Variants in MYO9A observed in about 807,000 individuals in gnomAD.
MYO9A encodes unconventional myosin-IXa.
Under a neutral mutation model 293.3 loss-of-function variants are expected in MYO9A, and 103 were observed. The ratio of observed to expected loss-of-function variants is 0.35; its 90% CI spans 0.30 to 0.41. MYO9A has a LOEUF of 0.41. Among genes scored for constraint, MYO9A ranks in the 10% least tolerant of loss-of-function variants. The pLI is 1.00. For missense variants in MYO9A, 2,685 were observed against 3,033.0 expected (o/e 0.89, Z 2.69); for synonymous variants, 1,001 against 1,035.7 (o/e 0.97, Z 0.64).
intron 4 of MYO9A, among the ~76,000 whole-genome samples, chr15:72,025,374 T>C (rs1365438924): frequency 1.3e-5 from 2 of 152,306 alleles, no homozygotes; most frequent in East Asian, 3.9e-4. Flanking sequence ...AAAAACTTTT[T>C]TTTTGAGATG....
At chr15:71,853,427 ATT>A (rs1567198569) in intron 35 of MYO9A, among the ~76,000 whole-genome samples, 1 of 152,184 alleles carries the variant, frequency 6.6e-6, no homozygotes, top group Non-Finnish European at 1.5e-5. Flanking sequence ...AGGATGATTG[ATT>A]TTCACTTGTG....
At chr15:71,833,547 C>T (rs557842659) in intron 39 of MYO9A, among the ~76,000 whole-genome samples, 14 of 151,986 alleles carry the variant, frequency 9.2e-5, no homozygotes, top group African/African-American at 2.9e-4. Context: ...AGTATGCACA[C>T]GCAATCAGAA....
At chr15:71,986,736 T>C (rs771750368) in intron 11 of MYO9A, among the ~76,000 whole-genome samples, 6 of 152,208 alleles carry the variant, frequency 3.9e-5, no homozygotes, top group Non-Finnish European at 7.3e-5. Context: ...CTGTACAATG[T>C]GTTTGTGTTT....
chr15:71,873,678 C>T (rs2056593675), intron 32 of MYO9A, among the ~76,000 whole-genome samples: 1 of 152,210 alleles, frequency 6.6e-6, no homozygotes, highest in Admixed American at 6.5e-5. Flanking sequence ...AATTTGACTG[C>T]TAATAAACAT....
intron 32 of MYO9A, among the ~76,000 whole-genome samples, chr15:71,866,220 C>T (rs555493543): frequency 7.9e-5 from 12 of 152,258 alleles, no homozygotes; most frequent in African/African-American, 2.6e-4. Flanking sequence ...CCAGAAACCC[C>T]TGTAGACCAC....
intron 12 of MYO9A, among the ~76,000 whole-genome samples, chr15:71,970,780 C>T (rs2075988664): frequency 6.6e-6 from 1 of 152,162 alleles, no homozygotes; most frequent in South Asian, 2.1e-4. Context: ...TTATAAAGTT[C>T]TTCATTTTAT....
intron 26 of MYO9A, chr15:71,891,205 G>A (rs995155121): frequency 3.9e-5 from 6 of 152,190 alleles, no homozygotes; most frequent in African/African-American, 1.4e-4. Context: ...GAAAGCTGGC[G>A]ACGTGACTAA....
At chr15:71,924,085 T>C (rs1231701386) in intron 18 of MYO9A, among the ~76,000 whole-genome samples, 2 of 152,052 alleles carry the variant, frequency 1.3e-5, no homozygotes, top group East Asian at 1.9e-4. Flanking sequence ...ATTTCCCTTT[T>C]AGTATCTCCT....
Position 72,010,350 on chromosome 15 carries a change from T to C in MYO9A, c.1253A>G (p.Gln418Arg), listed in dbSNP as rs2077137519. Reference protein sequence around the residue: ...MVGFLPKTRRQIFSLLSAILH... With the variant: ...MVGFLPKTRRRIFSLLSAILH... ...ATAAAAATACAACAAGTAAACTCAC[T>C]GTCTTCGTGTCTTGGGAAGAAATCC... is the stretch of plus-strand genomic sequence containing the variant. The change falls in exon 7 of 42, where the codon CAG becomes CGG. Residue 418 changes from glutamine (Q) to arginine (R), a missense_variant and splice_region_variant. Around this residue, in one of 10 missense-constraint regions of MYO9A, gnomAD observed 289 missense variants for 456.8 expected, o/e 0.63. Coordinates refer to ENST00000356056, the MANE Select transcript of MYO9A (RefSeq NM_006901.4). The C allele has an allele frequency of 6.2e-7, 1 of 1,612,120 alleles. No individual in the cohort carries two copies. Among genetic ancestry groups the C allele is most frequent in the Non-Finnish European group, 8.5e-7 (1 of 1,178,352 alleles).
rs61030744 is a variant in MYO9A, at chr15:71,860,969, CAAAAAAAAAAA to C, written c.6092-1184_6092-1174del. Among the ~76,000 whole-genome samples the C allele has an allele frequency of 1.0e-3, 34 of 32,426 alleles. No individual in the cohort carries two copies. The East Asian group carries it at 0.03, about 28-fold the overall frequency. The allele number at this position is 32,426 out of a possible 152,430, so 21.3% of individuals were successfully genotyped here. The stretch of plus-strand genomic sequence containing the variant: ...GCAACAAAGTTAGACTCCATCTCAC[CAAAAAAAAAAA>C]AAAAAAAAAAAAAATCAAACCAGCC... On this transcript the variant is annotated intron_variant, in intron 33 of 41. Coordinates refer to ENST00000356056, the MANE Select transcript of MYO9A (RefSeq NM_006901.4).
intron 1 of MYO9A, among the ~76,000 whole-genome samples, chr15:72,078,898 A>T (rs1190824432): frequency 6.6e-6 from 1 of 152,260 alleles, no homozygotes; most frequent in Non-Finnish European, 1.5e-5. Context: ...GATTCCAACT[A>T]CATGACATTC....
chr15:71,935,563 A>C (rs2058618291), intron 16 of MYO9A, 79 bp from the exon 17 acceptor site: 1 of 1,339,772 alleles, frequency 7.5e-7, no homozygotes, highest in South Asian at 1.6e-5. Context: ...ATAAAACTTT[A>C]AATACTAAAG....
At chr15:72,047,628 G>T (rs941682914) in intron 1 of MYO9A, among the ~76,000 whole-genome samples, 1 of 151,512 alleles carries the variant, frequency 6.6e-6, no homozygotes, top group African/African-American at 2.4e-5. Flanking sequence ...GATAAAACCT[G>T]TTTCTTATCT....
intron 4 of MYO9A, among the ~76,000 whole-genome samples, chr15:72,026,283 AAAAAAAAAAAAAAG>A: frequency 1.4e-5 from 2 of 142,692 alleles, no homozygotes; most frequent in South Asian, 2.3e-4. Flanking sequence ...AAGAAAAAAA[AAAAAAAAAAAAAAG>A]AAAGAAAAGA....
intron 11 of MYO9A, among the ~76,000 whole-genome samples, chr15:71,981,272 G>A (rs1040038456): frequency 2.0e-5 from 3 of 152,132 alleles, no homozygotes; most frequent in Admixed American, 2.0e-4. Context: ...ACAGATGTGT[G>A]TATCATTGTT....
intron 30 of MYO9A, among the ~76,000 whole-genome samples, chr15:71,878,619 T>G (rs1294792251): frequency 6.6e-6 from 1 of 152,178 alleles, no homozygotes; most frequent in Non-Finnish European, 1.5e-5. Flanking sequence ...CTTGAATCAT[T>G]GCCTAAGCAT....
intron 1 of MYO9A, among the ~76,000 whole-genome samples, chr15:72,068,753 AG>A (rs2079094479): frequency 1.3e-5 from 2 of 152,190 alleles, no homozygotes; most frequent in South Asian, 4.1e-4. Context: ...CTGGGATTAC[AG>A]GTAAGAGCCA....
chr15:71,910,113 C>CAT (rs2057792373), intron 19 of MYO9A, among the ~76,000 whole-genome samples: 1 of 125,386 alleles, frequency 8.0e-6, no homozygotes, highest in African/African-American at 3.3e-5. Context: ...TATATATATA[C>CAT]GTGTATATAT....
chr15:71,834,180 A>G (rs1031004888), intron 39 of MYO9A, among the ~76,000 whole-genome samples: 2 of 152,160 alleles, frequency 1.3e-5, no homozygotes, highest in African/African-American at 4.8e-5. Context: ...CCCAAAGAGG[A>G]TAAGAGACTA....
Sources: allele counts gnomAD v4.1 joint callset (sites outside exome capture counted in the v4.1 genomes callset), GRCh38; gene constraint gnomAD v4.1.1; regional missense constraint gnomAD v4.1.1; transcripts MANE v1.5; gene names NCBI Gene and HGNC (gene_info 2026-07-23, HGNC 2026-07-21).